Variants in PCDH11X observed in about 807,000 individuals in gnomAD.
The protein encoded by PCDH11X is protocadherin 11 X-linked, also known as protocadherin-11 X-linked.
A neutral mutation model predicts 53.3 loss-of-function variants in PCDH11X; 18 were observed. The observed-to-expected ratio is 0.34, with a 90% CI of 0.23 to 0.50. The LOEUF (loss-of-function observed/expected upper bound fraction) is 0.50. Ranked by LOEUF, PCDH11X falls within the 20% of genes least tolerant of loss-of-function variation. PCDH11X has a pLI of 0.98. For missense variants in PCDH11X, 570 were observed against 1,032.4 expected, an observed-to-expected ratio of 0.55 and a Z score of 6.14; for synonymous variants, 279 against 393.3, an observed-to-expected ratio of 0.71 and a Z score of 3.44.
intron 10 of PCDH11X, among the ~76,000 whole-genome samples, chrX:92,483,257 TACAATAATTTCATAAAG>T (rs1473722817): frequency 1.8e-5 from 2 of 109,311 alleles, no homozygotes; most frequent in Non-Finnish European, 3.8e-5. Context: ...AGACATTGGT[TACAATAATTTCATAAAG>T]ACAAAGAGAA....
rs1489024289 is a variant in PCDH11X at position 92,210,374 on chromosome X, G to A, written c.3114+8919G>A. Among the ~76,000 whole-genome samples the A allele has an allele frequency of 2.8e-5, 3 of 105,294 alleles. No homozygotes were observed. The Admixed American group carries it at 3.2e-4, about 11-fold the overall frequency. The allele number at this position is 105,294 out of a possible 115,157, so 91.4% of individuals were successfully genotyped here. A position where few individuals can be genotyped will look rare whatever the true frequency, so the allele number is the denominator to read the frequency against. On this transcript the variant is annotated intron_variant, in intron 7 of 10. Transcript: ENST00000682573. ...CTGCCTCAGTCTCCCGAGTAGCTGGGACTGCAGGCACCCACCACCATGCCT... is the reference window on the plus strand; with the variant it reads ...CTGCCTCAGTCTCCCGAGTAGCTGGAACTGCAGGCACCCACCACCATGCCT...
intron 6 of PCDH11X, among the ~76,000 whole-genome samples, chrX:92,086,112 T>C (rs2063945720): frequency 8.9e-6 from 1 of 111,759 alleles, no homozygotes; most frequent in Middle Eastern, 4.7e-3. Flanking sequence ...TACCAGAAAT[T>C]ACTTATGTAG....
chrX:91,957,359 G>T (rs1242979745), intron 6 of PCDH11X, among the ~76,000 whole-genome samples: 1 of 111,254 alleles, frequency 9.0e-6, no homozygotes, highest in South Asian at 3.8e-4. Flanking sequence ...AGTTTTCAGC[G>T]TTTTTGCATT....
At chrX:92,508,108 C>G (rs1360468901) in intron 10 of PCDH11X, among the ~76,000 whole-genome samples, 1 of 111,465 alleles carries the variant, frequency 9.0e-6, no homozygotes, top group African/African-American at 3.3e-5. Context: ...AGCCACCGCA[C>G]CCAGTCCGAT....
chrX:92,604,493 A>G (rs1423501666), intron 10 of PCDH11X, among the ~76,000 whole-genome samples: 1 of 111,131 alleles, frequency 9.0e-6, no homozygotes. Context: ...CATAAAAAGC[A>G]TTAAAATATT....
In PCDH11X at chrX:92,263,098, T is replaced by C; in HGVS notation, c.3115-16T>C. The stretch of plus-strand genomic sequence containing the variant: ...TTTTCCTTTGCTTCCCTTGCCTCCA[T>C]TTTATCCTAAATCAGCGGAAATCTG... On this transcript the variant is annotated splice_polypyrimidine_tract_variant and intron_variant, in intron 7 of 10. Coordinates refer to ENST00000682573, the MANE Select transcript of PCDH11X (RefSeq NM_032968.5). 1 of 1,182,938 alleles carries C rather than the reference T, an allele frequency of 8.5e-7. No individual in the cohort carries two copies.
At position 91,870,499 on chromosome X, in the gene PCDH11X, A is replaced by G. The variant is rs766491945; in HGVS notation, c.541-6282A>G. ...AACAAAGACTGTTCTTAATTTTGAA[A>G]TCTGACACAATAGGGAAAAAAAAAT... On this transcript the variant is annotated intron_variant, in intron 5 of 10. Coordinates refer to ENST00000682573, the MANE Select transcript of PCDH11X (RefSeq NM_032968.5). 2.5e-4 allele frequency among the ~76,000 whole-genome samples: 28 copies of G among 110,418 alleles called. No homozygotes were observed. In the South Asian group the frequency reaches 0.01, roughly 41 times the overall value.
chrX:92,618,347 G>A lies in PCDH11X; in HGVS notation c.3451G>A (p.Ala1151Thr). ...ATGTCTCATCTATGGCCATTCTGAT[G>A]CCTGCTGGATGCCGGCATCTCTGGA... is the stretch of plus-strand genomic sequence containing the variant. ...QECLIYGHSD[A>T]CWMPASLDHS... Residue 1151 changes from alanine to threonine, a missense_variant, in exon 11 of 11, where the codon GCC becomes ACC. Physicochemically the swap from Ala to Thr is moderately conservative, Grantham distance 58. Coordinates refer to ENST00000682573, the MANE Select transcript of PCDH11X (RefSeq NM_032968.5). 2.5e-6 allele frequency: 3 copies of A among 1,211,570 alleles called. No homozygotes were observed. Among genetic ancestry groups the A allele is most frequent in the South Asian group, 1.8e-5 (1 of 56,971 alleles).
intron 10 of PCDH11X, among the ~76,000 whole-genome samples, chrX:92,521,157 T>A (rs770746396): frequency 2.7e-5 from 3 of 111,951 alleles, no homozygotes; most frequent in African/African-American, 9.7e-5. Flanking sequence ...CTTATCCAAA[T>A]AATTTTCAAT....
At chrX:92,220,602 G>A (rs910566217) in intron 7 of PCDH11X, among the ~76,000 whole-genome samples, 7 of 110,645 alleles carry the variant, frequency 6.3e-5, no homozygotes, top group African/African-American at 2.0e-4. Context: ...CTGTTGGTGG[G>A]ACTGCAAACT....
intron 6 of PCDH11X, among the ~76,000 whole-genome samples, chrX:92,082,989 G>A (rs1211271787): frequency 1.8e-4 from 20 of 111,626 alleles, no homozygotes; most frequent in East Asian, 5.7e-4. Context: ...ACTTTGATGT[G>A]TGATGAATTT....
Position 92,311,452 on chromosome X carries a change from A to G in PCDH11X, c.3144+48309A>G, listed in dbSNP as rs190148777. On this transcript the variant is annotated intron_variant, in intron 8 of 10. Transcript: ENST00000682573. ...TATTTGTATATTTAGTTCTTCAAAT[A>G]AAAGAGAGAAAAAAGCCCCCCAAAA... Among the ~76,000 whole-genome samples the G allele has an allele frequency of 5.4e-5, 6 of 111,317 alleles. No individual in the cohort carries two copies. The East Asian group carries it at 1.7e-3, about 32-fold the overall frequency.
chrX:92,171,389 T>C (rs2065823101), intron 6 of PCDH11X, among the ~76,000 whole-genome samples: 2 of 110,580 alleles, frequency 1.8e-5, no homozygotes, highest in Non-Finnish European at 3.8e-5. Context: ...AAGACTTTTT[T>C]GGCTATTCTG....
At chrX:92,452,838 A>T (rs1174629819) in intron 9 of PCDH11X, among the ~76,000 whole-genome samples, 1 of 85,762 alleles carries the variant, frequency 1.2e-5, no homozygotes, top group Non-Finnish European at 2.2e-5. Flanking sequence ...CTAATATAGC[A>T]CTTGGAGTAT....
At chrX:92,389,728 T>C (rs1320615301) in intron 9 of PCDH11X, among the ~76,000 whole-genome samples, 1 of 111,097 alleles carries the variant, frequency 9.0e-6, no homozygotes, top group Non-Finnish European at 1.9e-5. Flanking sequence ...AATAAGTAGT[T>C]GTTTTAAAAA....
At chrX:91,787,495 T>C (rs998606655) in intron 1 of PCDH11X, among the ~76,000 whole-genome samples, 3 of 110,559 alleles carry the variant, frequency 2.7e-5, no homozygotes, top group African/African-American at 9.9e-5. Context: ...TATGTTTTAT[T>C]AGTGTCTAGA....
Position 91,914,935 on chromosome X carries a change from A to G in PCDH11X, c.3033+35662A>G, listed in dbSNP as rs772948816. 8.6e-4 allele frequency among the ~76,000 whole-genome samples: 96 copies of G among 111,422 alleles called. 1 individual carries two copies. Among genetic ancestry groups the G allele is most frequent in the African/African-American group, 3.1e-3 (94 of 30,667 alleles). ...ATTGCAAAAAGATCACCACCTAAGC[A>G]TGTAGTCATCAGGTTATCTAAAATC... On this transcript the variant is annotated intron_variant, in intron 6 of 10. Transcript: ENST00000682573.
At chrX:92,088,895 T>C (rs1276137382) in intron 6 of PCDH11X, among the ~76,000 whole-genome samples, 1 of 110,362 alleles carries the variant, frequency 9.1e-6, no homozygotes, top group Non-Finnish European at 1.9e-5. Context: ...TTTCACGTTG[T>C]TATACTCAGG....
At chrX:92,552,528 A>G (rs1423814083) in intron 10 of PCDH11X, among the ~76,000 whole-genome samples, 1 of 106,226 alleles carries the variant, frequency 9.4e-6, no homozygotes, top group African/African-American at 3.4e-5. Context: ...TGCCCTTTGT[A>G]TCTTCTCCTG....
Sources: gnomAD v4.1 joint callset for allele counts (sites outside exome capture counted in the v4.1 genomes callset) on GRCh38, gnomAD v4.1.1 for gene constraint, MANE v1.5 for transcripts, NCBI Gene and HGNC (gene_info 2026-07-23, HGNC 2026-07-21) for gene names.